ASIC2: variants seen among roughly 807,000 people sequenced by gnomAD.
The protein encoded by ASIC2 is acid sensing ion channel subunit 2, also known as acid-sensing ion channel 2.
In ASIC2, 25 loss-of-function variants were observed where a neutral mutation model predicts 57.3. The ratio of observed to expected loss-of-function variants is 0.44; its 90% CI spans 0.32 to 0.61. The LOEUF (loss-of-function observed/expected upper bound fraction) is 0.61, where lower values mean the gene tolerates loss of function less well. ASIC2 is among the 20% of genes least tolerant of loss of function. The pLI, the probability that ASIC2 is intolerant of heterozygous loss-of-function variation, is 0.06. For missense variants in ASIC2, 641 were observed against 738.1 expected, an observed-to-expected ratio of 0.87 and a Z score of 1.52; for synonymous variants, 319 against 307.5, an observed-to-expected ratio of 1.04 and a Z score of -0.39.
At chr17:33,540,268 C>G (rs1268608247) in intron 1 of ASIC2, among the ~76,000 whole-genome samples, 1 of 152,184 alleles carries the variant, frequency 6.6e-6, no homozygotes, top group African/African-American at 2.4e-5. Flanking sequence ...CATATTTCCC[C>G]CTTTTCTCTA....
intron 1 of ASIC2, among the ~76,000 whole-genome samples, chr17:33,123,765 G>A (rs2092312151): frequency 6.6e-6 from 1 of 152,182 alleles, no homozygotes. Context: ...TGTGCTTTAT[G>A]CCTGGATGAA....
At chr17:33,676,020 C>G (rs530611552) in intron 1 of ASIC2, among the ~76,000 whole-genome samples, 1 of 152,118 alleles carries the variant, frequency 6.6e-6, no homozygotes, top group Non-Finnish European at 1.5e-5. Context: ...TTTTGTAATT[C>G]TTGCAATATT....
At chr17:33,255,028 CTTTTTTTTT>C (rs1173076413) in intron 1 of ASIC2, among the ~76,000 whole-genome samples, 1 of 73,994 alleles carries the variant, frequency 1.4e-5, no homozygotes, top group South Asian at 5.8e-4. Context: ...AGAAAGAAAT[CTTTTTTTTT>C]TTTTTTTTTT....
chr17:33,442,661 G>GT (rs1186891858), intron 1 of ASIC2, among the ~76,000 whole-genome samples: 9 of 150,788 alleles, frequency 6.0e-5, no homozygotes, highest in South Asian at 4.2e-4. Context: ...TAGTTTCTGG[G>GT]TTTTTTTTTC....
At chr17:33,570,545 C>A (rs1436100071) in intron 1 of ASIC2, among the ~76,000 whole-genome samples, 2 of 152,262 alleles carry the variant, frequency 1.3e-5, no homozygotes, top group Admixed American at 1.3e-4. Context: ...ATTTGATGAG[C>A]ATTTTCTGTG....
chr17:33,470,235 A>G (rs2141918877), intron 1 of ASIC2, among the ~76,000 whole-genome samples: 1 of 152,290 alleles, frequency 6.6e-6, no homozygotes, highest in East Asian at 1.9e-4. Context: ...TCTTAAACCA[A>G]TGGACAAGTC....
intron 1 of ASIC2, among the ~76,000 whole-genome samples, chr17:34,087,204 T>C (rs895734317): frequency 5.9e-5 from 9 of 152,216 alleles, no homozygotes; most frequent in African/African-American, 2.2e-4. Flanking sequence ...TGTTTAGTGC[T>C]TCCTTCAGGA....
At chr17:33,347,564 A>T (rs1907995824) in intron 1 of ASIC2, among the ~76,000 whole-genome samples, 2 of 152,164 alleles carry the variant, frequency 1.3e-5, no homozygotes, top group Non-Finnish European at 2.9e-5. Context: ...AGGACAAAGC[A>T]TATGATCAAA....
At chr17:33,241,101 C>T (rs1235897152) in intron 1 of ASIC2, among the ~76,000 whole-genome samples, 3 of 152,192 alleles carry the variant, frequency 2.0e-5, no homozygotes, top group East Asian at 1.9e-4. Context: ...CGTTCATGGT[C>T]ACACAGCTAG....
intron 1 of ASIC2, among the ~76,000 whole-genome samples, chr17:33,759,677 A>T (rs1348629462): frequency 9.2e-5 from 14 of 152,188 alleles, no homozygotes; most frequent in Admixed American, 9.2e-4. Context: ...CTTGCTGCTC[A>T]GAGTCACCTC....
At chr17:33,266,162 C>G (rs1343807972) in intron 1 of ASIC2, among the ~76,000 whole-genome samples, 1 of 152,198 alleles carries the variant, frequency 6.6e-6, no homozygotes, top group Non-Finnish European at 1.5e-5. Flanking sequence ...GACCACAAAA[C>G]TTAACACAGT....
At chr17:33,034,147 C>T (rs2091898567) in intron 3 of ASIC2, among the ~76,000 whole-genome samples, 1 of 152,154 alleles carries the variant, frequency 6.6e-6, no homozygotes, top group Non-Finnish European at 1.5e-5. Context: ...TCTCTGAGCT[C>T]TTCTAACACT....
chr17:33,359,083 C>G (rs1336172412), intron 1 of ASIC2, among the ~76,000 whole-genome samples: 1 of 152,168 alleles, frequency 6.6e-6, no homozygotes. Flanking sequence ...CCTGAGATGA[C>G]AGTTGGGAGA....
intron 1 of ASIC2, among the ~76,000 whole-genome samples, chr17:33,874,705 C>T (rs1002809652): frequency 1.3e-5 from 2 of 152,226 alleles, no homozygotes; most frequent in Non-Finnish European, 2.9e-5. Context: ...TCCCCACCCT[C>T]CTTTGCTGGC....
intron 1 of ASIC2, among the ~76,000 whole-genome samples, chr17:33,205,643 C>CCTTGAA: frequency 6.6e-6 from 1 of 152,206 alleles, no homozygotes; most frequent in African/African-American, 2.4e-5. Context: ...TGCAGGAGTT[C>CCTTGAA]CTTGAACCTG....
intron 1 of ASIC2, among the ~76,000 whole-genome samples, chr17:33,862,470 A>G (rs950166446): frequency 3.3e-5 from 5 of 152,224 alleles, no homozygotes; most frequent in African/African-American, 1.2e-4. Flanking sequence ...ATACATGTAT[A>G]CCACATGCAA....
rs115847420 is a variant in ASIC2, at chr17:33,124,181, G to A, written c.709-12114C>T. 3.8e-3 allele frequency among the ~76,000 whole-genome samples: 576 copies of A among 152,254 alleles called. 1 individual carries two copies. The highest frequency in any genetic ancestry group is 0.013 in the African/African-American group (555 of 41,552). ...ATTTCAGCTTTTCCAGGAACTGCTC[G>A]GAGAATGTCATTGTCTGCTAGTTTT... On this transcript the variant is annotated intron_variant, in intron 1 of 9. Transcript: ENST00000225823.
intron 1 of ASIC2, among the ~76,000 whole-genome samples, chr17:33,384,640 G>A (rs1220167788): frequency 1.3e-5 from 2 of 152,150 alleles, no homozygotes; most frequent in Admixed American, 1.3e-4. Flanking sequence ...TGCTGTATCT[G>A]TTCTGCCAAG....
intron 3 of ASIC2, among the ~76,000 whole-genome samples, chr17:33,036,235 T>A (rs969635078): frequency 1.3e-5 from 2 of 152,134 alleles, no homozygotes; most frequent in African/African-American, 2.4e-5. Flanking sequence ...ATGTTATTGA[T>A]GAGGAAACTG....
Sources: allele counts gnomAD v4.1 joint callset (sites outside exome capture counted in the v4.1 genomes callset), GRCh38; gene constraint gnomAD v4.1.1; transcripts MANE v1.5; gene names NCBI Gene and HGNC (gene_info 2026-07-23, HGNC 2026-07-21).